TTBK2: variants seen among roughly 807,000 people sequenced by gnomAD.
TTBK2 encodes the protein tau-tubulin kinase 2.
Under a neutral mutation model 110.8 loss-of-function variants are expected in TTBK2, and 28 were observed. The observed-to-expected ratio is 0.25, with a 90% CI of 0.19 to 0.35. The LOEUF (loss-of-function observed/expected upper bound fraction) is 0.35, where lower values mean the gene tolerates loss of function less well. Among genes scored for constraint, TTBK2 ranks in the 10% least tolerant of loss-of-function variants. TTBK2 has a pLI of 1.00. For synonymous variants in TTBK2, 532 were observed against 527.3 expected, an observed-to-expected ratio of 1.01 and a Z score of -0.12; for missense variants, 1,369 against 1,500.3, an observed-to-expected ratio of 0.91 and a Z score of 1.45.
intron 9 of TTBK2, among the ~76,000 whole-genome samples, chr15:42,802,570 AAAAATAAAAT>A (rs767068845): frequency 2.6e-5 from 4 of 152,232 alleles, no homozygotes; most frequent in African/African-American, 7.2e-5. Flanking sequence ...CTAAACCAGC[AAAAATAAAAT>A]AAAATAAAAT....
chr15:42,783,405 T>C lies in TTBK2; in HGVS notation c.1197+14A>G, dbSNP rs1308610978. On this transcript the variant is annotated intron_variant, in intron 11 of 14. Coordinates refer to ENST00000267890, the MANE Select transcript of TTBK2 (RefSeq NM_173500.4). ...GTAAGAAATAAATTTCTGTTGTTTA[T>C]AAGGTACTCATACCTTACAAATTCC... 1.2e-6 allele frequency: 2 copies of C among 1,610,818 alleles called. No individual in the cohort carries two copies. The highest frequency in any genetic ancestry group is 1.7e-6 in the Non-Finnish European group (2 of 1,177,012).
chr15:42,816,085 A>AATAAATATATATATATAT (rs1397691949), intron 7 of TTBK2, among the ~76,000 whole-genome samples: 2 of 67,448 alleles, frequency 3.0e-5, no homozygotes, highest in African/African-American at 1.5e-4. Flanking sequence ...TAAATAAATA[A>AATAAATATATATATATAT]ATATATATAT....
chr15:42,892,702 C>A (rs1567081404), intron 1 of TTBK2, among the ~76,000 whole-genome samples: 4 of 82,506 alleles, frequency 4.8e-5, no homozygotes. Context: ...AAGACCCTGT[C>A]TCAAAAAAAA....
chr15:42,867,404 A>T (rs1047679198), intron 3 of TTBK2, among the ~76,000 whole-genome samples: 4 of 152,142 alleles, frequency 2.6e-5, no homozygotes, highest in Non-Finnish European at 5.9e-5. Context: ...TAGAAAATCA[A>T]TAGAGAAAAT....
At chr15:42,769,880 T>A (rs1889582649) in intron 13 of TTBK2, among the ~76,000 whole-genome samples, 1 of 152,092 alleles carries the variant, frequency 6.6e-6, no homozygotes, top group Non-Finnish European at 1.5e-5. Context: ...TAGACTGGAT[T>A]AAGAAAATGT....
chr15:42,860,608 C>CA (rs1263046701), intron 3 of TTBK2, among the ~76,000 whole-genome samples: 1 of 140,220 alleles, frequency 7.1e-6, no homozygotes, highest in Non-Finnish European at 1.5e-5. Context: ...CCCATCTCCA[C>CA]AAAAAATTAA....
intron 1 of TTBK2, among the ~76,000 whole-genome samples, chr15:42,919,407 C>T (rs991844728): frequency 6.6e-6 from 1 of 152,214 alleles, no homozygotes; most frequent in Non-Finnish European, 1.5e-5. Flanking sequence ...AGGTACACAG[C>T]CAACACATCT....
At chr15:42,791,709 T>C (rs1890694889) in intron 10 of TTBK2, among the ~76,000 whole-genome samples, 1 of 152,236 alleles carries the variant, frequency 6.6e-6, no homozygotes, top group East Asian at 1.9e-4. Context: ...TGCTTGGATG[T>C]TTAATCTCAC....
At chr15:42,843,780 A>AT (rs1893339102) in intron 3 of TTBK2, among the ~76,000 whole-genome samples, 1 of 151,442 alleles carries the variant, frequency 6.6e-6, no homozygotes, top group South Asian at 2.1e-4. Context: ...AAAAAAAAAA[A>AT]AAGATTTGTA....
chr15:42,776,870 G>C lies in TTBK2; in HGVS notation c.1409+161C>G, dbSNP rs141752585. The C allele has an allele frequency of 1.1e-3, 758 of 668,754 alleles. 4 individuals are homozygous for C. In the African/African-American group the frequency reaches 0.012, roughly 11 times the overall value. The allele number at this position is 668,754 out of a possible 1,614,324, so 41.4% of individuals were successfully genotyped here. A position where few individuals can be genotyped will look rare whatever the true frequency, so the allele number is the denominator to read the frequency against. ...TCAGGATAATAATAATTAAAAACAT[G>C]GATGAAAATTGGAGCTGAATAGACT... On this transcript the variant is annotated intron_variant, in intron 12 of 14. Coordinates refer to ENST00000267890, the MANE Select transcript of TTBK2 (RefSeq NM_173500.4).
intron 3 of TTBK2, among the ~76,000 whole-genome samples, chr15:42,869,338 C>T (rs1201044636): frequency 6.6e-6 from 1 of 151,844 alleles, no homozygotes; most frequent in East Asian, 1.9e-4. Context: ...ATCCACCCAC[C>T]TTGGCCTCCC....
At chr15:42,793,824 T>A (rs1370277081) in intron 10 of TTBK2, among the ~76,000 whole-genome samples, 1 of 150,244 alleles carries the variant, frequency 6.7e-6, no homozygotes, top group African/African-American at 2.5e-5. Context: ...GCAACAAGAA[T>A]GAAACTCCAT....
At chr15:42,768,556 T>C (rs548334041) in intron 13 of TTBK2, among the ~76,000 whole-genome samples, 27 of 152,280 alleles carry the variant, frequency 1.8e-4, no homozygotes, top group Non-Finnish European at 2.8e-4. Flanking sequence ...TTACAAGGGA[T>C]ATGAAGGACC....
At position 42,829,947 on chromosome 15, in the gene TTBK2, G is replaced by A. The variant is rs756870473; in HGVS notation, c.423C>T (p.Asp141=). ...SIHSVGFLHR[D]IKPSNFAMGR... ...TAGAAAAGGTCCCTACCGGTTTGATGTCTCGATGCAAGAATCCCACAGAAT... is the reference window on the plus strand; with the variant it reads ...TAGAAAAGGTCCCTACCGGTTTGATATCTCGATGCAAGAATCCCACAGAAT... The change falls in exon 5 of 15, where the codon GAC becomes GAT. Residue 141 remains aspartate, a synonymous_variant. Transcript: ENST00000267890. 2 of 1,614,074 alleles carry A rather than the reference G, an allele frequency of 1.2e-6. No homozygotes were observed. The highest frequency in any genetic ancestry group is 1.7e-6 in the Non-Finnish European group (2 of 1,179,992).
At chr15:42,791,868 G>A (rs1362560847) in intron 10 of TTBK2, among the ~76,000 whole-genome samples, 6 of 151,678 alleles carry the variant, frequency 4.0e-5, no homozygotes, top group Non-Finnish European at 8.8e-5. Flanking sequence ...TAGGCTGGGC[G>A]TGGTGGCTCG....
In TTBK2 at chr15:42,818,230, T is replaced by C. The variant is rs544025056; in HGVS notation, c.538-1133A>G. 2.0e-5 allele frequency among the ~76,000 whole-genome samples: 3 copies of C among 152,264 alleles called. No individual in the cohort carries two copies. The East Asian group carries it at 5.8e-4, about 29-fold the overall frequency. On this transcript the variant is annotated intron_variant, in intron 6 of 14. Coordinates refer to ENST00000267890, the MANE Select transcript of TTBK2 (RefSeq NM_173500.4). ...AGCTGGAACTACTGGAATGTGCCAC[T>C]ACATAGGGCTAATCTATTTTAATTT...
chr15:42,867,832 G>C (rs35540205), intron 3 of TTBK2, among the ~76,000 whole-genome samples: 1 of 152,150 alleles, frequency 6.6e-6, no homozygotes, highest in Non-Finnish European at 1.5e-5. Context: ...ATGCTCTTTG[G>C]TATTTACCCA....
At chr15:42,754,985 G>A (rs895492385) in intron 13 of TTBK2, among the ~76,000 whole-genome samples, 1 of 117,536 alleles carries the variant, frequency 8.5e-6, no homozygotes. Flanking sequence ...TCCAGCCTGG[G>A]CAATAAGAGT....
At chr15:42,799,589 C>T (rs765477100) in intron 9 of TTBK2, among the ~76,000 whole-genome samples, 14 of 152,090 alleles carry the variant, frequency 9.2e-5, no homozygotes, top group Non-Finnish European at 1.3e-4. Flanking sequence ...TGTGCCACCA[C>T]GCCCAGCTAA....
Sources: allele counts gnomAD v4.1 joint callset (sites outside exome capture counted in the v4.1 genomes callset), GRCh38; gene constraint gnomAD v4.1.1; transcripts MANE v1.5; gene names NCBI Gene and HGNC (gene_info 2026-07-23, HGNC 2026-07-21).